The following CLDN16 variants were observed in gnomAD, a reference collection of about 807,000 sequenced individuals.
The protein encoded by CLDN16 is claudin 16.
CLDN16 carries 13 observed loss-of-function variants against 24.6 expected under a neutral mutation model. The observed-to-expected ratio is 0.53, with a 90% CI of 0.34 to 0.84. The LOEUF (loss-of-function observed/expected upper bound fraction) is 0.84, where lower values mean the gene tolerates loss of function less well. Among genes scored for constraint, CLDN16 ranks in the 40% least tolerant of loss-of-function variants. The pLI, the probability that CLDN16 is intolerant of heterozygous loss-of-function variation, is 0.01. For synonymous variants in CLDN16, 116 were observed against 106.7 expected (o/e 1.09, Z -0.54); for missense variants, 298 against 292.7 (o/e 1.02, Z -0.13).
At chr3:190,345,720 C>T (rs751894958) in intron 1 of CLDN16, among the ~76,000 whole-genome samples, 3 of 152,074 alleles carry the variant, frequency 2.0e-5, no homozygotes, top group Non-Finnish European at 2.9e-5. Context: ...GTTATTCATT[C>T]GTGAAATACA....
chr3:190,365,740 C>A (rs533033081), intron 1 of CLDN16, among the ~76,000 whole-genome samples: 1 of 151,660 alleles, frequency 6.6e-6, no homozygotes, highest in East Asian at 2.0e-4. Context: ...TATACACAGT[C>A]TCCCAGATTC....
At position 190,340,572 on chromosome 3, in the gene CLDN16, G is replaced by A. The variant is rs188133507; in HGVS notation, n.121+17911G>A. Among the ~76,000 whole-genome samples the A allele has an allele frequency of 2.1e-4, 32 of 152,242 alleles. No individual in the cohort carries two copies. The East Asian group carries it at 2.9e-3, about 14-fold the overall frequency. On this transcript the variant is annotated intron_variant and non_coding_transcript_variant, in intron 1 of 4. Transcript: ENST00000468220. The stretch of plus-strand genomic sequence containing the variant: ...GTCCATCCCACAACACGTGGGAATC[G>A]TGGGAGTTACAAATCAAGATGAGAT...
the CLDN16 span, among the ~76,000 whole-genome samples, chr3:190,301,325 T>G: frequency 6.6e-6 from 1 of 152,012 alleles, no homozygotes. Flanking sequence ...TGAATCCCAG[T>G]CTCTGCCAAA....
At chr3:190,385,570 A>AT (rs11398966), upstream of CLDN16, among the ~76,000 whole-genome samples, 86,682 of 150,620 alleles carry the variant, frequency 0.58, 25,784 homozygotes, top group East Asian at 0.84. Context: ...TATAGTCTAG[A>AT]TTTTTTTTTT....
chr3:190,360,211 C>G (rs921747269), intron 1 of CLDN16, among the ~76,000 whole-genome samples: 2 of 151,978 alleles, frequency 1.3e-5, no homozygotes, highest in African/African-American at 4.8e-5. Flanking sequence ...ATACAAAATT[C>G]TCTAAAATAG....
At chr3:190,406,749 T>C (rs1206503254) in intron 3 of CLDN16, among the ~76,000 whole-genome samples, 1 of 147,380 alleles carries the variant, frequency 6.8e-6, no homozygotes, top group East Asian at 1.9e-4. Flanking sequence ...CTTTTTTTTT[T>C]TTTTTTTTTT....
the CLDN16 span, among the ~76,000 whole-genome samples, chr3:190,311,956 T>C: frequency 4.5e-4 from 1 of 2,222 alleles, no homozygotes; most frequent in African/African-American, 4.5e-3. Flanking sequence ...TTTCTTTTCT[T>C]TTTTCTTTTT....
the CLDN16 span, among the ~76,000 whole-genome samples, chr3:190,293,466 GT>G: frequency 6.6e-6 from 1 of 152,182 alleles, no homozygotes; most frequent in African/African-American, 2.4e-5. Context: ...GCCTTAGATG[GT>G]TTTGAGCAGA....
At chr3:190,403,143 C>T (rs1182237344) in intron 2 of CLDN16, among the ~76,000 whole-genome samples, 2 of 152,066 alleles carry the variant, frequency 1.3e-5, no homozygotes, top group Non-Finnish European at 2.9e-5. Flanking sequence ...GCCTGGCCAA[C>T]ATGGTGAAAC....
intron 1 of CLDN16, among the ~76,000 whole-genome samples, chr3:190,339,621 T>C (rs1717385324): frequency 6.6e-6 from 1 of 152,192 alleles, no homozygotes; most frequent in African/African-American, 2.4e-5. Context: ...ACTTGTAAGA[T>C]AGGTCAGCAG....
chr3:190,379,975 G>GTCTATCTATTTA (rs60043315), intron 3 of CLDN16, among the ~76,000 whole-genome samples: 4,414 of 149,080 alleles, frequency 0.03, 96 homozygotes, highest in Admixed American at 0.071. Context: ...TATCAACTCT[G>GTCTATCTATTTA]TCTATCTATC....
At chr3:190,393,256 A>G (rs1718725679) in intron 1 of CLDN16, among the ~76,000 whole-genome samples, 1 of 152,170 alleles carries the variant, frequency 6.6e-6, no homozygotes, top group Non-Finnish European at 1.5e-5. Context: ...TCATGGAGCA[A>G]TGTCCCTGAA....
Position 190,409,929 on chromosome 3 carries a change from T to C in CLDN16, c.601T>C (p.Tyr201His). Reference sequence around the variant, plus strand: ...TGTTGGACCTGAGAGAAACTATCCTTATTCCTTGAGGAAAGCCTATTCAGC... The same window carrying C: ...TGTTGGACCTGAGAGAAACTATCCTCATTCCTTGAGGAAAGCCTATTCAGC... The part of the protein sequence containing the change: ...KDVGPERNYP[Y>H]SLRKAYSAAG... The change falls in exon 5 of 5, where the codon TAT becomes CAT. Residue 201 changes from tyrosine to histidine, a missense_variant. Coordinates refer to ENST00000264734, the MANE Select transcript of CLDN16 (RefSeq NM_006580.4). The C allele has an allele frequency of 1.2e-6, 2 of 1,614,072 alleles. No individual in the cohort carries two copies. The highest frequency in any genetic ancestry group is 1.7e-6 in the Non-Finnish European group (2 of 1,179,958).
At chr3:190,373,641 TTAAGA>T (rs1016112738) in intron 2 of CLDN16, among the ~76,000 whole-genome samples, 9 of 152,026 alleles carry the variant, frequency 5.9e-5, no homozygotes, top group African/African-American at 2.2e-4. Flanking sequence ...TGTGCATTAT[TTAAGA>T]TAAGATTATT....
At chr3:190,379,975 G>GTCTATTTATCTATCTATCTA (rs1553806905) in intron 3 of CLDN16, among the ~76,000 whole-genome samples, 17 of 149,104 alleles carry the variant, frequency 1.1e-4, no homozygotes, top group African/African-American at 4.2e-4. Flanking sequence ...TATCAACTCT[G>GTCTATTTATCTATCTATCTA]TCTATCTATC....
chr3:190,332,966 G>A (rs766680473), intron 1 of CLDN16, among the ~76,000 whole-genome samples: 15 of 152,026 alleles, frequency 9.9e-5, no homozygotes, highest in Non-Finnish European at 1.5e-4. Context: ...ATTATTAGTC[G>A]TACACATGAT....
At chr3:190,409,859 C>T (rs1297777316) in intron 4 of CLDN16, 44 bp from the exon 5 acceptor site, 3 of 1,591,544 alleles carry the variant, frequency 1.9e-6, no homozygotes, top group Admixed American at 3.3e-5. Flanking sequence ...ATAATTTTCC[C>T]AAGTTCACTG....
At chr3:190,367,558 C>T (rs184466837) in intron 1 of CLDN16, among the ~76,000 whole-genome samples, 1 of 151,960 alleles carries the variant, frequency 6.6e-6, no homozygotes, top group East Asian at 2.0e-4. Flanking sequence ...TCATGTTGCC[C>T]AAATGTCCGA....
chr3:190,368,586 G>A (rs184631610), intron 1 of CLDN16, among the ~76,000 whole-genome samples: 1 of 152,054 alleles, frequency 6.6e-6, no homozygotes, highest in African/African-American at 2.4e-5. Context: ...AACAGTGATA[G>A]GAATAAAAGT....
Sources: gnomAD v4.1 joint callset for allele counts (sites outside exome capture counted in the v4.1 genomes callset) on GRCh38, gnomAD v4.1.1 for gene constraint, MANE v1.5 for transcripts, NCBI Gene and HGNC (gene_info 2026-07-23, HGNC 2026-07-21) for gene names.